ARF4: variants seen among roughly 807,000 people sequenced by gnomAD.
ARF4 encodes ARF GTPase 4.
A neutral mutation model predicts 24.3 loss-of-function variants in ARF4; 5 were observed. The ratio of observed to expected loss-of-function variants is 0.21; its 90% CI spans 0.11 to 0.43. The LOEUF is 0.43. Ranked by LOEUF, ARF4 falls within the 20% of genes least tolerant of loss-of-function variation. The pLI, the probability that ARF4 is intolerant of heterozygous loss-of-function variation, is 1.00. For synonymous variants in ARF4, 62 were observed against 73.5 expected (o/e 0.84, Z 0.80); for missense variants, 107 against 213.0 (o/e 0.50, Z 3.10).
chr3:57,579,955 G>C (rs921891958), intron 3 of ARF4, among the ~76,000 whole-genome samples: 2 of 151,942 alleles, frequency 1.3e-5, no homozygotes, highest in Admixed American at 6.6e-5. Context: ...TAAAATTTTA[G>C]TAGGGCATGG....
intron 1 of ARF4, among the ~76,000 whole-genome samples, chr3:57,590,081 C>T (rs1034914296): frequency 7.0e-6 from 1 of 142,684 alleles, no homozygotes; most frequent in Non-Finnish European, 1.5e-5. Context: ...CAGACCAAGA[C>T]TCTGTCTCAA....
chr3:57,583,776 G>T, intron 3 of ARF4, 122 bp downstream of exon 3: 1 of 706,926 alleles, frequency 1.4e-6, no homozygotes, highest in Non-Finnish European at 2.4e-6. Context: ...TGTGGAAGTG[G>T]TGATAAGACA....
chr3:57,596,982 C>T, intron 1 of ARF4, 92 bp downstream of exon 1: 3 of 1,382,220 alleles, frequency 2.2e-6, no homozygotes, highest in Non-Finnish European at 2.0e-6. Context: ...CCCACCACAG[C>T]GGGCGGAGGA....
intron 5 of ARF4, among the ~76,000 whole-genome samples, chr3:57,572,877 C>T (rs2069857081): frequency 6.6e-6 from 1 of 152,066 alleles, no homozygotes; most frequent in Non-Finnish European, 1.5e-5. Flanking sequence ...TAAAACTAAA[C>T]TCAAAGTAGA....
At chr3:57,579,732 G>A (rs1375560510) in intron 3 of ARF4, among the ~76,000 whole-genome samples, 1 of 152,050 alleles carries the variant, frequency 6.6e-6, no homozygotes, top group African/African-American at 2.4e-5. Context: ...ATCTCTGTTG[G>A]AAACCATAAC....
At chr3:57,584,249 C>G (rs1201761848) in intron 2 of ARF4, 135 bp downstream of exon 2, 3 of 917,650 alleles carry the variant, frequency 3.3e-6, no homozygotes, top group Non-Finnish European at 5.1e-6. Context: ...AGGCATGAGC[C>G]ACCACACCCG....
chr3:57,594,039 T>G (rs2153409534), intron 1 of ARF4, among the ~76,000 whole-genome samples: 1 of 152,272 alleles, frequency 6.6e-6, no homozygotes, highest in East Asian at 1.9e-4. Flanking sequence ...GTGGATCACC[T>G]GAGGTCAGGA....
intron 1 of ARF4, among the ~76,000 whole-genome samples, chr3:57,588,544 C>CA (rs537024905): frequency 9.0e-4 from 135 of 149,364 alleles, no homozygotes; most frequent in African/African-American, 3.1e-3. Context: ...CCTGTCACTA[C>CA]AAAAAATACA....
intron 1 of ARF4, 51 bp from the exon 2 acceptor site, chr3:57,584,515 G>A (rs1164915809): frequency 1.4e-6 from 2 of 1,438,532 alleles, no homozygotes; most frequent in Non-Finnish European, 1.9e-6. Context: ...CACACTCCAA[G>A]AAATAATTTT....
chr3:57,575,299 T>G (rs965477462), intron 5 of ARF4, among the ~76,000 whole-genome samples: 8 of 91,494 alleles, frequency 8.7e-5, no homozygotes, highest in African/African-American at 2.3e-4. Context: ...CTTCCACCTC[T>G]CCCTTCAAAA....
In ARF4 at chr3:57,597,162, G is replaced by A. The variant is rs1164496322; in HGVS notation, c.-22C>T. 3 of 1,608,752 alleles carry A rather than the reference G, an allele frequency of 1.9e-6. No homozygotes were observed. Among genetic ancestry groups the A allele is most frequent in the Non-Finnish European group, 2.6e-6 (3 of 1,175,390 alleles). On this transcript the variant is annotated 5_prime_UTR_variant, in exon 1 of 6. Transcript: ENST00000303436. ...CCATGGCGGTAGTGGCACTTGTGAT[G>A]GGCAGAAGCAGAAGGGGTTTGGGGC...
intron 3 of ARF4, among the ~76,000 whole-genome samples, chr3:57,579,142 G>A (rs977755255): frequency 6.6e-6 from 1 of 150,894 alleles, no homozygotes; most frequent in Non-Finnish European, 1.5e-5. Flanking sequence ...ACAAAAATTA[G>A]CCGGGCATGG....
intron 5 of ARF4, among the ~76,000 whole-genome samples, chr3:57,573,326 G>A (rs116600534): frequency 1.3e-5 from 2 of 152,116 alleles, no homozygotes; most frequent in African/African-American, 2.4e-5. Context: ...AAATGGCAAC[G>A]AATCTTATCT....
chr3:57,578,081 A>G (rs1387014005), intron 3 of ARF4, among the ~76,000 whole-genome samples: 1 of 152,072 alleles, frequency 6.6e-6, no homozygotes, highest in Non-Finnish European at 1.5e-5. Flanking sequence ...CCATGAATTT[A>G]CTAACTGAAT....
chr3:57,587,215 A>G (rs890742135), intron 1 of ARF4, among the ~76,000 whole-genome samples: 9 of 148,794 alleles, frequency 6.0e-5, no homozygotes, highest in African/African-American at 2.2e-4. Flanking sequence ...GATACTCTGG[A>G]GGCTGAGGCA....
rs551603866 is a variant in ARF4, at chr3:57,590,933, A to T, written c.67+6141T>A. Among the ~76,000 whole-genome samples, 7 of 152,304 alleles carry T rather than the reference A, an allele frequency of 4.6e-5. No homozygotes were observed. In the East Asian group the frequency reaches 1.3e-3, roughly 29 times the overall value. On this transcript the variant is annotated intron_variant, in intron 1 of 5. Transcript: ENST00000303436. ...GTTTAAAATAATAATTTAAAATTGA[A>T]TATTTACTGCATTCTAAGCATAGTA... is the stretch of plus-strand genomic sequence containing the variant.
intron 3 of ARF4, among the ~76,000 whole-genome samples, chr3:57,579,185 C>T (rs1488835916): frequency 8.5e-6 from 1 of 118,166 alleles, no homozygotes; most frequent in East Asian, 3.0e-4. Context: ...ACTTGGCAGG[C>T]GGAGGCTGCA....
chr3:57,590,905 A>G lies in ARF4; in HGVS notation c.67+6169T>C, dbSNP rs370425168. Among the ~76,000 whole-genome samples, 47 of 152,266 alleles carry G rather than the reference A, an allele frequency of 3.1e-4. No individual in the cohort carries two copies. In the East Asian group the frequency reaches 6.2e-3, roughly 20 times the overall value. ...CATGGTATGGTGCCCAGGCTGCGTAATAGTTTAAAATAATAATTTAAAATT... is the reference window on the plus strand; with the variant it reads ...CATGGTATGGTGCCCAGGCTGCGTAGTAGTTTAAAATAATAATTTAAAATT... On this transcript the variant is annotated intron_variant, in intron 1 of 5. Transcript: ENST00000303436.
At chr3:57,576,829 T>A (rs926650622) in intron 4 of ARF4, among the ~76,000 whole-genome samples, 16 of 152,134 alleles carry the variant, frequency 1.1e-4, no homozygotes, top group African/African-American at 3.4e-4. Context: ...TCAGAAGGAA[T>A]TCCTTATCCT....
Sources: gnomAD v4.1 joint callset for allele counts (sites outside exome capture counted in the v4.1 genomes callset) on GRCh38, gnomAD v4.1.1 for gene constraint, MANE v1.5 for transcripts, NCBI Gene and HGNC (gene_info 2026-07-23, HGNC 2026-07-21) for gene names.